The following USP47 variants were observed in gnomAD, a reference collection of about 807,000 sequenced individuals.
The protein encoded by USP47 is ubiquitin specific peptidase 47, also known as ubiquitin carboxyl-terminal hydrolase 47.
In USP47, 35 loss-of-function variants were observed where a neutral mutation model predicts 165.1. That is an observed-to-expected ratio of 0.21 (90% confidence interval 0.16 to 0.28). The LOEUF (loss-of-function observed/expected upper bound fraction) is 0.28. Ranked by LOEUF, USP47 falls within the 10% of genes least tolerant of loss-of-function variation. The pLI is 1.00. For missense variants in USP47, 1,277 were observed against 1,607.4 expected, an observed-to-expected ratio of 0.79 and a Z score of 3.52; for synonymous variants, 531 against 544.5, an observed-to-expected ratio of 0.98 and a Z score of 0.35.
At chr11:11,842,742 C>T (rs1848203399) in intron 1 of USP47, among the ~76,000 whole-genome samples, 1 of 151,880 alleles carries the variant, frequency 6.6e-6, no homozygotes. Context: ...ATTGGCCTGC[C>T]TAAATGGGGC....
intron 12 of USP47, among the ~76,000 whole-genome samples, 170 bp downstream of exon 12, chr11:11,929,735 T>C (rs1047721319): frequency 9.2e-5 from 14 of 152,190 alleles, no homozygotes; most frequent in African/African-American, 3.1e-4. Flanking sequence ...CCTTTGTTTA[T>C]TATTTCTTTG....
rs1245815794 is a variant in USP47, at chr11:11,842,014, C to T, written c.-172C>T. 7.0e-6 allele frequency: 5 copies of T among 712,702 alleles called. No individual in the cohort carries two copies. The highest frequency in any genetic ancestry group is 3.1e-5 in the East Asian group (1 of 31,934). The allele number at this position is 712,702 out of a possible 1,614,324, so 44.1% of individuals were successfully genotyped here. A position where few individuals can be genotyped will look rare whatever the true frequency, so the allele number is the denominator to read the frequency against. ...TAGCGGCGGCGGCGGCGGCGGAGCC[C>T]TGGGTCGGTGTCTGCGCGCTGGTGT... On this transcript the variant is annotated 5_prime_UTR_variant, in exon 1 of 28. Coordinates refer to ENST00000527733, the MANE Select transcript of USP47 (RefSeq NM_001282659.2).
At chr11:11,887,638 C>T (rs1851246951) in intron 3 of USP47, among the ~76,000 whole-genome samples, 1 of 152,168 alleles carries the variant, frequency 6.6e-6, no homozygotes, top group Non-Finnish European at 1.5e-5. Flanking sequence ...GAGACTTTAA[C>T]ACCCCACTGA....
At chr11:11,905,910 G>A (rs2134470739) in intron 8 of USP47, among the ~76,000 whole-genome samples, 1 of 151,988 alleles carries the variant, frequency 6.6e-6, no homozygotes, top group East Asian at 1.9e-4. Flanking sequence ...TTTGTTTTGG[G>A]GGGATTGTTT....
chr11:11,895,123 A>T (rs1447813286), intron 4 of USP47, among the ~76,000 whole-genome samples: 1 of 152,148 alleles, frequency 6.6e-6, no homozygotes, highest in Non-Finnish European at 1.5e-5. Flanking sequence ...GAAAATTCTT[A>T]TACATACATT....
chr11:11,931,083 T>C (rs1455194106), intron 14 of USP47, among the ~76,000 whole-genome samples: 1 of 152,196 alleles, frequency 6.6e-6, no homozygotes, highest in Non-Finnish European at 1.5e-5. Flanking sequence ...TGTTTGTTTT[T>C]TCTTGCTAAT....
intron 2 of USP47, among the ~76,000 whole-genome samples, chr11:11,880,610 T>C (rs1850763902): frequency 6.6e-6 from 1 of 152,168 alleles, no homozygotes; most frequent in African/African-American, 2.4e-5. Context: ...CATCAGTTTT[T>C]TCATTCATGA....
intron 1 of USP47, among the ~76,000 whole-genome samples, chr11:11,857,878 A>G (rs1849144500): frequency 6.6e-6 from 1 of 152,172 alleles, no homozygotes; most frequent in African/African-American, 2.4e-5. Context: ...CCAAATCTTC[A>G]TTTGCATAGA....
chr11:11,856,212 A>AT (rs892263086), intron 1 of USP47, among the ~76,000 whole-genome samples: 21 of 152,224 alleles, frequency 1.4e-4, no homozygotes, highest in African/African-American at 4.8e-4. Context: ...GGCAAAAAAT[A>AT]TTTTTTTCCC....
At chr11:11,925,044 A>C (rs992992918) in intron 11 of USP47, among the ~76,000 whole-genome samples, 1 of 151,002 alleles carries the variant, frequency 6.6e-6, no homozygotes, top group African/African-American at 2.4e-5. Context: ...GTTCATGAAC[A>C]GAGGATGTCT....
At chr11:11,929,766 G>A (rs1284143754) in intron 12 of USP47, among the ~76,000 whole-genome samples, 22 of 151,960 alleles carry the variant, frequency 1.4e-4, no homozygotes, top group Admixed American at 1.4e-3. Context: ...TTTTGTTTGG[G>A]GCTTGCTGAA....
chr11:11,921,814 A>G (rs546913106), intron 10 of USP47, among the ~76,000 whole-genome samples: 66 of 152,054 alleles, frequency 4.3e-4, no homozygotes, highest in South Asian at 1.0e-3. Context: ...GTTTTGGCTC[A>G]GCTGAAGAAG....
At position 11,920,082 on chromosome 11, in the gene USP47, A is replaced by T. The variant is rs1853719236; in HGVS notation, c.970-74A>T. On this transcript the variant is annotated intron_variant, in intron 8 of 27. Transcript: ENST00000527733. ...TCTACTTATAACTTTTAGTAATTAC[A>T]GTCTTTTTTATTCAGGATTTTGTCA... 2.7e-6 allele frequency: 3 copies of T among 1,120,728 alleles called. No individual in the cohort carries two copies. The South Asian group carries it at 7.4e-5, about 27-fold the overall frequency. The allele number at this position is 1,120,728 out of a possible 1,614,324, so 69.4% of individuals were successfully genotyped here.
At chr11:11,884,328 G>A in intron 2 of USP47, 139 bp from the exon 3 acceptor site, 1 of 620,468 alleles carries the variant, frequency 1.6e-6, no homozygotes, top group Non-Finnish European at 2.7e-6. Context: ...GAATAAATGA[G>A]TTAATTCCAA....
Position 11,942,424 on chromosome 11 carries a change from A to T in USP47, c.2403A>T (p.Thr801=). ...LWKLLDRHAN[T]IRLFVLLPEQ... Reference sequence around the variant, plus strand: ...AACTCCTGGATCGGCATGCAAATACAATCAGATTATTTGTTTTGCTACCTG... The same window carrying T: ...AACTCCTGGATCGGCATGCAAATACTATCAGATTATTTGTTTTGCTACCTG... Residue 801 remains threonine, a synonymous_variant, in exon 20 of 28, where the codon ACA becomes ACT. Coordinates refer to ENST00000527733, the MANE Select transcript of USP47 (RefSeq NM_001282659.2). 6.2e-7 allele frequency: 1 copy of T among 1,613,586 alleles called. No homozygotes were observed. The highest frequency in any genetic ancestry group is 8.5e-7 in the Non-Finnish European group (1 of 1,179,688).
intron 16 of USP47, among the ~76,000 whole-genome samples, chr11:11,935,264 G>A (rs1162842034): frequency 6.6e-6 from 1 of 151,836 alleles, no homozygotes; most frequent in East Asian, 1.9e-4. Flanking sequence ...AACCATTCTG[G>A]TTTTGCTCAC....
chr11:11,933,181 T>G (rs1854800738), intron 15 of USP47, 65 bp downstream of exon 15: 1 of 1,255,306 alleles, frequency 8.0e-7, no homozygotes, highest in Non-Finnish European at 1.1e-6. Context: ...CCTGCAATTC[T>G]AATGACTAAC....
chr11:11,891,882 T>C (rs1325587808), intron 3 of USP47, 86 bp from the exon 4 acceptor site: 1 of 1,517,836 alleles, frequency 6.6e-7, no homozygotes, highest in Non-Finnish European at 8.9e-7. Context: ...TCAGGCATCA[T>C]TCAAACCTTC....
In USP47 at chr11:11,957,536, T is replaced by G. The variant is rs1460279097; in HGVS notation, c.*1361T>G. On this transcript the variant is annotated 3_prime_UTR_variant, in exon 28 of 28. Coordinates refer to ENST00000527733, the MANE Select transcript of USP47 (RefSeq NM_001282659.2). Reference sequence around the variant, plus strand: ...CATTCTGTTGTGTTATTTTAGTCATTAAACTTCTGTGGATGAAGAATCTGG... The same window carrying G: ...CATTCTGTTGTGTTATTTTAGTCATGAAACTTCTGTGGATGAAGAATCTGG... The G allele has an allele frequency of 6.6e-6, 1 of 152,654 alleles. No homozygotes were observed. The highest frequency in any genetic ancestry group is 1.5e-5 in the Non-Finnish European group (1 of 68,030). 9.5% of individuals were successfully genotyped at this position (152,654 alleles called of 1,614,324 possible).
Sources: allele counts gnomAD v4.1 joint callset (sites outside exome capture counted in the v4.1 genomes callset), GRCh38; gene constraint gnomAD v4.1.1; transcripts MANE v1.5; gene names NCBI Gene and HGNC (gene_info 2026-07-23, HGNC 2026-07-21).